The following SPATA1 variants were observed in gnomAD, a reference collection of about 807,000 sequenced individuals.
SPATA1 encodes the protein spermatogenesis associated 1.
A neutral mutation model predicts 59.6 loss-of-function variants in SPATA1; 57 were observed. The ratio of observed to expected loss-of-function variants is 0.96; its 90% CI spans 0.77 to 1.19. SPATA1 has a LOEUF of 1.19. Among genes scored for constraint, SPATA1 ranks in the 50% most tolerant of loss-of-function variants. The pLI is 0.00. For synonymous variants in SPATA1, 147 were observed against 163.9 expected, an observed-to-expected ratio of 0.90 and a Z score of 0.79; for missense variants, 448 against 480.7, an observed-to-expected ratio of 0.93 and a Z score of 0.64.
At chr1:84,516,734 T>A (rs1682810093) in intron 2 of SPATA1, among the ~76,000 whole-genome samples, 1 of 152,182 alleles carries the variant, frequency 6.6e-6, no homozygotes, top group Non-Finnish European at 1.5e-5. Flanking sequence ...TGCCCCTCTC[T>A]CACTTCATTG....
chr1:84,527,070 G>C (rs1349327808), intron 6 of SPATA1, among the ~76,000 whole-genome samples: 1 of 152,058 alleles, frequency 6.6e-6, no homozygotes, highest in Non-Finnish European at 1.5e-5. Flanking sequence ...ATGCACCTAA[G>C]ATGAAAGCAG....
rs1682517963 is a variant in SPATA1 at position 84,511,048 on chromosome 1, C to G, written c.-138+4630C>G. 2.0e-5 allele frequency among the ~76,000 whole-genome samples: 3 copies of G among 151,810 alleles called. No homozygotes were observed. The South Asian group carries it at 6.2e-4, about 32-fold the overall frequency. Reference sequence around the variant, plus strand: ...GGGGACTGGGGATGGTTAATGGGTACAGAAATATAAGTTAGATAAAGTGAA... The same window carrying G: ...GGGGACTGGGGATGGTTAATGGGTAGAGAAATATAAGTTAGATAAAGTGAA... On this transcript the variant is annotated intron_variant, in intron 1 of 12. Coordinates refer to ENST00000490879, the Ensembl canonical transcript of SPATA1.
chr1:84,536,693 C>T (rs1683701319), intron 8 of SPATA1, among the ~76,000 whole-genome samples: 1 of 151,388 alleles, frequency 6.6e-6, no homozygotes, highest in Admixed American at 6.6e-5. Context: ...ATCCGCCCGC[C>T]TCGGCCTCCC....
downstream of SPATA1, among the ~76,000 whole-genome samples, chr1:84,566,814 T>C (rs1423770862): frequency 6.6e-6 from 1 of 152,100 alleles, no homozygotes; most frequent in Non-Finnish European, 1.5e-5. Context: ...TTTGTATTTT[T>C]AGTAGAGACA....
chr1:84,523,153 C>A (rs1469365885), intron 4 of SPATA1, among the ~76,000 whole-genome samples: 1 of 152,108 alleles, frequency 6.6e-6, no homozygotes, highest in South Asian at 2.1e-4. Flanking sequence ...GATCTCCCTG[C>A]CTCAGCCTCC....
At chr1:84,511,972 G>A (rs1306044068) in intron 1 of SPATA1, among the ~76,000 whole-genome samples, 2 of 152,034 alleles carry the variant, frequency 1.3e-5, no homozygotes, top group East Asian at 3.9e-4. Context: ...GTGAGCCACC[G>A]CGCCTGGCCT....
chr1:84,537,485 C>T (rs1430390136), intron 8 of SPATA1, among the ~76,000 whole-genome samples: 1 of 152,092 alleles, frequency 6.6e-6, no homozygotes, highest in Non-Finnish European at 1.5e-5. Flanking sequence ...GATTCACATC[C>T]CCTTATTAAA....
chr1:84,556,403 G>A (rs1684429640), downstream of SPATA1, among the ~76,000 whole-genome samples: 1 of 152,236 alleles, frequency 6.6e-6, no homozygotes, highest in African/African-American at 2.4e-5. Context: ...CCTGGAATTA[G>A]AATAGTCTCT....
downstream of SPATA1, chr1:84,554,588 A>T (rs1042501794): frequency 1.2e-5 from 2 of 166,094 alleles, no homozygotes; most frequent in African/African-American, 4.8e-5. Context: ...AGTATAGCAC[A>T]AACTGCTTTT....
At chr1:84,526,847 G>A (rs1418343655) in intron 6 of SPATA1, among the ~76,000 whole-genome samples, 1 of 130,610 alleles carries the variant, frequency 7.7e-6, no homozygotes, top group Non-Finnish European at 1.6e-5. Flanking sequence ...CAGTCTGGGT[G>A]ACAGAGCGAG....
intron 4 of SPATA1, among the ~76,000 whole-genome samples, chr1:84,562,307 T>C (rs11804372): frequency 0.089 from 13,611 of 152,268 alleles, 1,191 homozygotes; most frequent in African/African-American, 0.23. Context: ...AAACACTGTT[T>C]AGGAAAGATA....
chr1:84,520,637 T>C, exon 3 of SPATA1: 1 of 1,583,110 alleles, frequency 6.3e-7, no homozygotes, highest in South Asian at 1.2e-5. Context: ...AACTATAAGC[T>C]AAATACCATT....
intron 4 of SPATA1, chr1:84,563,622 T>A (rs1476981574): frequency 1.4e-6 from 1 of 694,498 alleles, no homozygotes; most frequent in African/African-American, 1.9e-5. Flanking sequence ...AAATAATTTT[T>A]ATCTCAAACT....
intron 1 of SPATA1, among the ~76,000 whole-genome samples, chr1:84,507,896 G>A (rs1430165558): frequency 6.6e-6 from 1 of 151,974 alleles, no homozygotes; most frequent in Non-Finnish European, 1.5e-5. Context: ...CTGCTGCATT[G>A]GGAAACCACA....
chr1:84,556,975 T>C (rs1164944186), downstream of SPATA1, among the ~76,000 whole-genome samples: 1 of 152,190 alleles, frequency 6.6e-6, no homozygotes, highest in Non-Finnish European at 1.5e-5. Flanking sequence ...CCCAAAGACA[T>C]ATACCTTTGA....
chr1:84,543,592 T>A (rs1683982352), intron 8 of SPATA1, among the ~76,000 whole-genome samples: 1 of 151,994 alleles, frequency 6.6e-6, no homozygotes, highest in South Asian at 2.1e-4. Context: ...GGGAACAGTA[T>A]CAATGGGGAA....
chr1:84,556,289 TA>T (rs1438264989), downstream of SPATA1, among the ~76,000 whole-genome samples: 1 of 152,080 alleles, frequency 6.6e-6, no homozygotes, highest in Non-Finnish European at 1.5e-5. Flanking sequence ...AGATAAAAAA[TA>T]GAAAGACCTG....
At chr1:84,513,506 TGAG>T (rs757176405) in intron 1 of SPATA1, among the ~76,000 whole-genome samples, 3 of 152,184 alleles carry the variant, frequency 2.0e-5, no homozygotes, top group Non-Finnish European at 4.4e-5. Flanking sequence ...GCACAAGCAA[TGAG>T]GAGATTATTG....
At chr1:84,558,358 C>T (rs944445038), downstream of SPATA1, among the ~76,000 whole-genome samples, 2 of 150,268 alleles carry the variant, frequency 1.3e-5, no homozygotes, top group Non-Finnish European at 3.0e-5. Context: ...GGCGGGATCT[C>T]GGCTCACTGC....
Sources: gnomAD v4.1 joint callset for allele counts (sites outside exome capture counted in the v4.1 genomes callset) on GRCh38, gnomAD v4.1.1 for gene constraint, MANE v1.5 for transcripts, NCBI Gene and HGNC (gene_info 2026-07-23, HGNC 2026-07-21) for gene names.